Variants in MAGI2 observed in about 807,000 individuals in gnomAD.
MAGI2 encodes membrane associated guanylate kinase, WW and PDZ domain containing 2, also known as membrane-associated guanylate kinase, WW and PDZ domain-containing protein 2.
In MAGI2, 35 loss-of-function variants were observed where a neutral mutation model predicts 133.3. The observed-to-expected ratio is 0.26, with a 90% CI of 0.20 to 0.35. The LOEUF (loss-of-function observed/expected upper bound fraction) is 0.35, where lower values mean the gene tolerates loss of function less well. Among genes scored for constraint, MAGI2 ranks in the 10% least tolerant of loss-of-function variants. The pLI, the probability that MAGI2 is intolerant of heterozygous loss-of-function variation, is 1.00. For synonymous variants in MAGI2, 729 were observed against 710.6 expected (o/e 1.03, Z -0.41); for missense variants, 1,636 against 1,863.4 (o/e 0.88, Z 2.25).
intron 2 of MAGI2, among the ~76,000 whole-genome samples, chr7:78,893,530 C>A (rs1156549070): frequency 6.6e-6 from 1 of 152,086 alleles, no homozygotes; most frequent in African/African-American, 2.4e-5. Context: ...CACATATACA[C>A]CTTGGAATAC....
intron 6 of MAGI2, among the ~76,000 whole-genome samples, chr7:78,416,790 C>A (rs960564704): frequency 6.6e-6 from 1 of 152,084 alleles, no homozygotes; most frequent in African/African-American, 2.4e-5. Context: ...ATCTCTCCTG[C>A]CATGTGAGGT....
chr7:78,019,669 G>C lies in MAGI2; in HGVS notation c.4014C>G (p.Pro1338=). 1.5e-6 allele frequency: 2 copies of C among 1,327,102 alleles called. No individual in the cohort carries two copies. The highest frequency in any genetic ancestry group is 1.9e-6 in the Non-Finnish European group (2 of 1,043,202). The allele number at this position is 1,327,102 out of a possible 1,614,324, so 82.2% of individuals were successfully genotyped here. A position where few individuals can be genotyped will look rare whatever the true frequency, so the allele number is the denominator to read the frequency against. ...CCTCCGAGGCGGGCCTGCCGGCCTCGGGCCGCCCCTGGCCGCCGGGCGCCT... is the reference window on the plus strand; with the variant it reads ...CCTCCGAGGCGGGCCTGCCGGCCTCCGGCCGCCCCTGGCCGCCGGGCGCCT... ...LEEAPGGQGR[P]EAGRPASEAR... Residue 1338 remains proline (P), a synonymous_variant, in exon 22 of 22, where the codon CCC becomes CCG. Coordinates refer to ENST00000354212, the MANE Select transcript of MAGI2 (RefSeq NM_012301.4).
At chr7:78,381,190 T>C (rs1454195724) in intron 6 of MAGI2, among the ~76,000 whole-genome samples, 1 of 151,998 alleles carries the variant, frequency 6.6e-6, no homozygotes, top group Non-Finnish European at 1.5e-5. Flanking sequence ...CTACTAAAAA[T>C]ACAAAAATTA....
intron 20 of MAGI2, among the ~76,000 whole-genome samples, chr7:78,083,977 T>G (rs888990744): frequency 6.6e-6 from 1 of 152,240 alleles, no homozygotes; most frequent in East Asian, 1.9e-4. Flanking sequence ...AGAATTAGAT[T>G]AAATCCTGGA....
At position 79,020,765 on chromosome 7, in the gene MAGI2, T is replaced by TA. The variant is rs3069467; in HGVS notation, c.302-13560dup. Among the ~76,000 whole-genome samples the TA allele has an allele frequency of 3.7e-3, 516 of 139,128 alleles. 4 individuals are homozygous for TA. The highest frequency in any genetic ancestry group is 9.7e-3 in the African/African-American group (363 of 37,438). 91.3% of individuals were successfully genotyped at this position (139,128 alleles called of 152,430 possible). ...TGGGTGACAGAGCAAGACTCTGTCT[T>TA]AAAAAAAAAAAAAGGAAAGAAAAAA... On this transcript the variant is annotated intron_variant, in intron 1 of 21. Coordinates refer to ENST00000354212, the MANE Select transcript of MAGI2 (RefSeq NM_012301.4).
chr7:78,836,390 A>G (rs559060121), intron 2 of MAGI2, among the ~76,000 whole-genome samples: 1 of 152,298 alleles, frequency 6.6e-6, no homozygotes, highest in East Asian at 1.9e-4. Context: ...AAATATTAAT[A>G]TCAATATTAT....
intron 2 of MAGI2, among the ~76,000 whole-genome samples, chr7:78,975,385 C>T (rs915682416): frequency 2.6e-5 from 4 of 151,366 alleles, no homozygotes; most frequent in African/African-American, 9.7e-5. Context: ...TGAAAAATCC[C>T]CTAGTATTTG....
rs1234053199 is a variant in MAGI2 at position 78,521,449 on chromosome 7, A to G, written c.735T>C (p.Asn245=). ...EEEERPVVNG[N]GVVVTPESSE... ...ACTAACCTGGTGTTACTACTACTCCATTTCCATTGACCACAGGCCTCTCTT... is the reference window on the plus strand; with the variant it reads ...ACTAACCTGGTGTTACTACTACTCCGTTTCCATTGACCACAGGCCTCTCTT... Residue 245 remains asparagine (N), a synonymous_variant, in exon 4 of 22, where the codon AAT becomes AAC. Transcript: ENST00000354212. The G allele has an allele frequency of 2.5e-6, 4 of 1,613,842 alleles. No individual in the cohort carries two copies. Among genetic ancestry groups the G allele is most frequent in the African/African-American group, 2.7e-5 (2 of 74,920 alleles).
chr7:78,869,343 T>C (rs7794613), intron 2 of MAGI2, among the ~76,000 whole-genome samples: 5,088 of 152,262 alleles, frequency 0.033, 242 homozygotes, highest in East Asian at 0.21. Context: ...CTTCTAGAAT[T>C]TTTATGGGTT....
intron 9 of MAGI2, among the ~76,000 whole-genome samples, chr7:78,325,167 A>G (rs946345524): frequency 6.6e-6 from 1 of 152,158 alleles, no homozygotes; most frequent in Non-Finnish European, 1.5e-5. Flanking sequence ...TTCAGCATAT[A>G]TACTTATTAT....
chr7:78,483,977 G>GA (rs1418731616), intron 6 of MAGI2, among the ~76,000 whole-genome samples: 4 of 152,046 alleles, frequency 2.6e-5, no homozygotes, highest in South Asian at 2.1e-4. Context: ...TATCAGATTA[G>GA]AAAGATAAAT....
chr7:78,377,522 G>A (rs934178531), intron 6 of MAGI2, among the ~76,000 whole-genome samples: 2 of 151,778 alleles, frequency 1.3e-5, no homozygotes, highest in Non-Finnish European at 2.9e-5. Context: ...AGAAGAGGGG[G>A]ATGATGTTAG....
chr7:79,248,999 G>T (rs1409160306), intron 1 of MAGI2, among the ~76,000 whole-genome samples: 1 of 152,028 alleles, frequency 6.6e-6, no homozygotes, highest in African/African-American at 2.4e-5. Flanking sequence ...AAGTAGCTGG[G>T]ATTACAGGTG....
chr7:78,096,739 G>A (rs955536486), intron 20 of MAGI2, among the ~76,000 whole-genome samples: 10 of 152,080 alleles, frequency 6.6e-5, no homozygotes, highest in Admixed American at 5.2e-4. Flanking sequence ...AGTTACATGA[G>A]AGACTGCATG....
intron 9 of MAGI2, among the ~76,000 whole-genome samples, chr7:78,311,902 C>T (rs1024875068): frequency 1.3e-5 from 2 of 151,906 alleles, no homozygotes; most frequent in Non-Finnish European, 2.9e-5. Flanking sequence ...TCCCTAGTAG[C>T]TGGGATTACA....
At chr7:78,052,077 C>G (rs546808554) in intron 21 of MAGI2, among the ~76,000 whole-genome samples, 11 of 152,092 alleles carry the variant, frequency 7.2e-5, no homozygotes, top group African/African-American at 2.7e-4. Context: ...TGCCATGCTG[C>G]CCAGACTGGT....
intron 1 of MAGI2, among the ~76,000 whole-genome samples, chr7:79,399,109 T>G (rs117303175): frequency 0.064 from 9,416 of 146,270 alleles, 743 homozygotes; most frequent in East Asian, 0.29. Context: ...TTTTTTTTTT[T>G]TGGGAGATGG....
chr7:78,125,567 A>G, intron 20 of MAGI2, 127 bp downstream of exon 20: 1 of 850,284 alleles, frequency 1.2e-6, no homozygotes, highest in Non-Finnish European at 1.8e-6. Flanking sequence ...AAACTGGGTC[A>G]TCATCAACTA....
intron 2 of MAGI2, among the ~76,000 whole-genome samples, chr7:78,771,938 T>C (rs1209589601): frequency 6.6e-6 from 1 of 152,132 alleles, no homozygotes; most frequent in Non-Finnish European, 1.5e-5. Flanking sequence ...AAATAGAAAA[T>C]AAATGTAATA....
Sources: allele counts gnomAD v4.1 joint callset (sites outside exome capture counted in the v4.1 genomes callset), GRCh38; gene constraint gnomAD v4.1.1; transcripts MANE v1.5; gene names NCBI Gene and HGNC (gene_info 2026-07-23, HGNC 2026-07-21).